TAS2R1: variants seen among roughly 807,000 people sequenced by gnomAD.
The protein encoded by TAS2R1 is taste 2 receptor member 1.
For missense variants in TAS2R1, 370 were observed against 353.4 expected (o/e 1.05, Z -0.38); for synonymous variants, 141 against 134.2 (o/e 1.05, Z -0.35).
rs1459318173 is a variant in TAS2R1, at chr5:9,627,995, T to C, written c.*1138A>G. 6.6e-6 allele frequency among the ~76,000 whole-genome samples: 1 copy of C among 152,204 alleles called. No individual in the cohort carries two copies. Among genetic ancestry groups the C allele is most frequent in the Admixed American group, 6.5e-5 (1 of 15,276 alleles). On this transcript the variant is annotated 3_prime_UTR_variant, in exon 1 of 1. Transcript: ENST00000382492. ...TGATTGAAAAATCTAAACCTAAACC[T>C]GCTTTGCATCATCACGCCTGAACTA...
the TAS2R1 span, among the ~76,000 whole-genome samples, chr5:9,782,251 T>C: frequency 6.6e-6 from 1 of 152,238 alleles, no homozygotes; most frequent in Non-Finnish European, 1.5e-5. Flanking sequence ...GAGAGGCCAA[T>C]TCCTACAAGT....
In TAS2R1 at chr5:9,665,750, T is replaced by C. The variant is rs1740619966; in HGVS notation, c.-241-6169A>G. On this transcript the variant is annotated intron_variant, in intron 1 of 2. Coordinates refer to the TAS2R1 transcript ENST00000506620. Reference sequence around the variant, plus strand: ...CGGCTTAATACTCGAAAAGGGCTTGTTTATTACTTTGTCTGGCATATAGTT... The same window carrying C: ...CGGCTTAATACTCGAAAAGGGCTTGCTTATTACTTTGTCTGGCATATAGTT... Among the ~76,000 whole-genome samples, 3 of 152,226 alleles carry C rather than the reference T, an allele frequency of 2.0e-5. No individual in the cohort carries two copies. The South Asian group carries it at 6.2e-4, about 32-fold the overall frequency.
the TAS2R1 span, among the ~76,000 whole-genome samples, chr5:9,750,313 C>A: frequency 2.6e-5 from 4 of 152,294 alleles, no homozygotes; most frequent in African/African-American, 9.6e-5. Flanking sequence ...CCAGAGTACA[C>A]CACCATCCTG....
chr5:9,778,030 G>A, the TAS2R1 span, among the ~76,000 whole-genome samples: 6 of 152,070 alleles, frequency 3.9e-5, no homozygotes, highest in African/African-American at 1.2e-4. Context: ...ACAGGCGCCC[G>A]CCACCGCGCC....
chr5:9,836,077 T>C, the TAS2R1 span, among the ~76,000 whole-genome samples: 2 of 152,070 alleles, frequency 1.3e-5, no homozygotes, highest in South Asian at 4.2e-4. Flanking sequence ...GTTCTCGTGA[T>C]AGCAAATAAG....
At chr5:9,862,687 C>G in the TAS2R1 span, among the ~76,000 whole-genome samples, 1 of 152,246 alleles carries the variant, frequency 6.6e-6, no homozygotes, top group East Asian at 1.9e-4. Context: ...ACTACAACCT[C>G]TCCCCCATCT....
the TAS2R1 span, among the ~76,000 whole-genome samples, chr5:9,842,043 T>G: frequency 6.6e-6 from 1 of 152,188 alleles, no homozygotes; most frequent in Non-Finnish European, 1.5e-5. Context: ...AGTAACAGAT[T>G]AACTTATCTG....
intron 2 of TAS2R1, among the ~76,000 whole-genome samples, chr5:9,648,527 C>G (rs1012986570): frequency 1.3e-5 from 2 of 151,906 alleles, no homozygotes; most frequent in Non-Finnish European, 2.9e-5. Context: ...GTAGTTACCC[C>G]AAGCAGAAGC....
chr5:9,720,935 T>A, the TAS2R1 span, among the ~76,000 whole-genome samples: 2 of 152,104 alleles, frequency 1.3e-5, no homozygotes, highest in South Asian at 4.1e-4. Flanking sequence ...GACAGATGCC[T>A]CAGCTGCTGC....
chr5:9,757,654 T>C, the TAS2R1 span, among the ~76,000 whole-genome samples: 1 of 152,178 alleles, frequency 6.6e-6, no homozygotes, highest in East Asian at 1.9e-4. Context: ...ACACAATGTC[T>C]AGATATCTAA....
chr5:9,847,502 ATG>A, the TAS2R1 span, among the ~76,000 whole-genome samples: 1 of 152,172 alleles, frequency 6.6e-6, no homozygotes, highest in Non-Finnish European at 1.5e-5. Flanking sequence ...TTTCTTGTTC[ATG>A]TGATCAATTG....
chr5:9,900,514 T>C, the TAS2R1 span, among the ~76,000 whole-genome samples: 3 of 151,918 alleles, frequency 2.0e-5, no homozygotes, highest in Admixed American at 2.0e-4. Flanking sequence ...CACAGAAACA[T>C]CCCGCCAGTG....
At chr5:9,631,506 T>G (rs946441004), upstream of TAS2R1, among the ~76,000 whole-genome samples, 1 of 152,102 alleles carries the variant, frequency 6.6e-6, no homozygotes, top group Non-Finnish European at 1.5e-5. Flanking sequence ...CCTCTTGAGG[T>G]ATTAGGATTA....
the TAS2R1 span, among the ~76,000 whole-genome samples, chr5:9,851,593 T>C: frequency 2.0e-5 from 3 of 151,562 alleles, no homozygotes; most frequent in Non-Finnish European, 2.9e-5. Flanking sequence ...AAGTGCAGCA[T>C]GAACATCCCA....
chr5:9,879,819 G>C, the TAS2R1 span, among the ~76,000 whole-genome samples: 1 of 152,146 alleles, frequency 6.6e-6, no homozygotes, highest in Non-Finnish European at 1.5e-5. Flanking sequence ...CAGCCTGTTT[G>C]AACCATCATT....
At chr5:9,889,805 G>A in the TAS2R1 span, 25 of 152,294 alleles carry the variant, frequency 1.6e-4, no homozygotes, top group Admixed American at 1.6e-3. Flanking sequence ...CCAGGCTGAC[G>A]AAGCAAGAGA....
At chr5:9,777,354 G>T in the TAS2R1 span, among the ~76,000 whole-genome samples, 11 of 152,292 alleles carry the variant, frequency 7.2e-5, no homozygotes, top group African/African-American at 2.4e-4. Context: ...CAGCATCTTT[G>T]CCAGGAGTAG....
At chr5:9,840,886 T>TGA in the TAS2R1 span, among the ~76,000 whole-genome samples, 1 of 102,846 alleles carries the variant, frequency 9.7e-6, no homozygotes, top group African/African-American at 3.6e-5. Flanking sequence ...TTTTTTTTTT[T>TGA]TTTTTTTGAG....
At chr5:9,809,894 GGAT>G in the TAS2R1 span, among the ~76,000 whole-genome samples, 2 of 152,138 alleles carry the variant, frequency 1.3e-5, no homozygotes, top group Non-Finnish European at 2.9e-5. Context: ...CCTTCTTTCT[GGAT>G]GATGCCAACT....
Sources: allele counts gnomAD v4.1 joint callset (sites outside exome capture counted in the v4.1 genomes callset), GRCh38; gene constraint gnomAD v4.1.1; transcripts MANE v1.5; gene names NCBI Gene and HGNC (gene_info 2026-07-23, HGNC 2026-07-21).